The following COL27A1 variants were observed in gnomAD, a reference collection of about 807,000 sequenced individuals.
COL27A1 encodes the protein collagen type XXVII alpha 1 chain.
In COL27A1, 106 loss-of-function variants were observed where a neutral mutation model predicts 251.3. The ratio of observed to expected loss-of-function variants is 0.42; its 90% CI spans 0.36 to 0.50. COL27A1 has a LOEUF of 0.50. COL27A1 is among the 20% of genes least tolerant of loss of function. COL27A1 has a pLI of 0.00. For synonymous variants in COL27A1, 1,000 were observed against 986.3 expected, an observed-to-expected ratio of 1.01 and a Z score of -0.26; for missense variants, 2,325 against 2,522.8, an observed-to-expected ratio of 0.92 and a Z score of 1.68.
At chr9:114,274,793 C>A (rs1835381476) in intron 36 of COL27A1, among the ~76,000 whole-genome samples, 1 of 152,084 alleles carries the variant, frequency 6.6e-6, no homozygotes. Flanking sequence ...CTGGTACATA[C>A]CATCCAAACT....
intron 28 of COL27A1, among the ~76,000 whole-genome samples, chr9:114,260,700 G>T (rs1834256441): frequency 6.6e-6 from 1 of 152,080 alleles, no homozygotes; most frequent in Non-Finnish European, 1.5e-5. Context: ...TGTTCTTGGT[G>T]AGGACGCTGA....
At position 114,208,917 on chromosome 9, in the gene COL27A1, GA is replaced by G. The variant is rs147575945; in HGVS notation, c.2269-755del. On this transcript the variant is annotated intron_variant, in intron 10 of 60. Coordinates refer to ENST00000356083, the MANE Select transcript of COL27A1 (RefSeq NM_032888.4). ...TGCCTGGTGGAGGGGACAGAGTGAG[GA>G]AAGGCTGGGAGGGAGGAAATGAGAT... is the stretch of plus-strand genomic sequence containing the variant. 4.9e-4 allele frequency among the ~76,000 whole-genome samples: 75 copies of G among 152,210 alleles called. No homozygotes were observed. The East Asian group carries it at 9.1e-3, about 18-fold the overall frequency.
chr9:114,172,692 G>T (rs1849404581), intron 3 of COL27A1, among the ~76,000 whole-genome samples: 1 of 152,170 alleles, frequency 6.6e-6, no homozygotes. Flanking sequence ...TACTTGGGAG[G>T]CCGAGGTAGG....
intron 41 of COL27A1, among the ~76,000 whole-genome samples, chr9:114,285,302 A>G (rs1303586028): frequency 6.6e-6 from 1 of 151,968 alleles, no homozygotes; most frequent in Non-Finnish European, 1.5e-5. Flanking sequence ...AGAGGAGAGG[A>G]ATTGCTGGAA....
At chr9:114,267,012 G>A (rs994042775) in intron 33 of COL27A1, among the ~76,000 whole-genome samples, 8 of 152,102 alleles carry the variant, frequency 5.3e-5, no homozygotes, top group East Asian at 3.9e-4. Flanking sequence ...AAGGAGCCTC[G>A]CACACCCCTG....
chr9:114,254,485 CA>C (rs1343519883), intron 27 of COL27A1, among the ~76,000 whole-genome samples: 1 of 151,890 alleles, frequency 6.6e-6, no homozygotes, highest in African/African-American at 2.4e-5. Flanking sequence ...CAGCCAAAGC[CA>C]GGGGTCAGGG....
At chr9:114,226,695 G>C (rs1169017985) in intron 14 of COL27A1, among the ~76,000 whole-genome samples, 3 of 152,246 alleles carry the variant, frequency 2.0e-5, no homozygotes, top group Admixed American at 6.5e-5. Context: ...GGCCTTCAAA[G>C]GCAGTCCTCA....
At chr9:114,253,755 C>T (rs150455738) in intron 27 of COL27A1, among the ~76,000 whole-genome samples, 2 of 152,268 alleles carry the variant, frequency 1.3e-5, no homozygotes, top group East Asian at 1.9e-4. Context: ...TAAATGGAAG[C>T]GTGGGGCTAA....
intron 36 of COL27A1, chr9:114,271,177 C>T (rs1200247746): frequency 4.7e-6 from 1 of 210,924 alleles, no homozygotes; most frequent in Non-Finnish European, 9.3e-6. Flanking sequence ...TTATAAGCCA[C>T]AATTTAGGGA....
chr9:114,292,022 C>A, intron 48 of COL27A1, 81 bp from the exon 49 acceptor site: 1 of 1,227,956 alleles, frequency 8.1e-7, no homozygotes, highest in Non-Finnish European at 1.2e-6. Context: ...ACTGTTCTGG[C>A]TCTCCCAGGC....
In COL27A1 at chr9:114,311,616, A is replaced by T. The variant is rs1031793979; in HGVS notation, c.*921A>T. 2.0e-5 allele frequency: 3 copies of T among 151,770 alleles called. No homozygotes were observed. Among genetic ancestry groups the T allele is most frequent in the Admixed American group, 2.0e-4 (3 of 15,236 alleles). 9.4% of individuals were successfully genotyped at this position (151,770 alleles called of 1,614,324 possible). On this transcript the variant is annotated 3_prime_UTR_variant, in exon 61 of 61. Coordinates refer to ENST00000356083, the MANE Select transcript of COL27A1 (RefSeq NM_032888.4). The stretch of plus-strand genomic sequence containing the variant: ...CCTACCAGAAACCAGAAGTAGAGAG[A>T]TTTACCATATAACTTATGGACTTTG...
chr9:114,173,157 G>A (rs1446890494), intron 3 of COL27A1, among the ~76,000 whole-genome samples: 1 of 150,906 alleles, frequency 6.6e-6, no homozygotes, highest in Admixed American at 6.6e-5. Context: ...GAGTTGGGGC[G>A]GGGAGGCCGT....
At chr9:114,172,884 G>T (rs1026806098) in intron 3 of COL27A1, among the ~76,000 whole-genome samples, 2 of 152,224 alleles carry the variant, frequency 1.3e-5, no homozygotes, top group Non-Finnish European at 2.9e-5. Context: ...TCTCCCCAGG[G>T]CTCAGTCTTC....
At chr9:114,219,939 G>A (rs1187036386) in intron 13 of COL27A1, 95 bp downstream of exon 13, 5 of 929,524 alleles carry the variant, frequency 5.4e-6, no homozygotes, top group Non-Finnish European at 8.8e-6. Flanking sequence ...ACAGACCTGG[G>A]TCAAATCCCA....
intron 21 of COL27A1, 22 bp downstream of exon 21, chr9:114,240,509 C>A: frequency 6.2e-7 from 1 of 1,602,780 alleles, no homozygotes. Context: ...TGGCCCCCTC[C>A]ACTGCCCATC....
At chr9:114,157,103 CATA>C (rs1564403717) in intron 1 of COL27A1, among the ~76,000 whole-genome samples, 70 of 133,584 alleles carry the variant, frequency 5.2e-4, no homozygotes, top group African/African-American at 1.8e-3. Context: ...CACACACACA[CATA>C]CGCGCGCGCG....
At position 114,288,531 on chromosome 9, in the gene COL27A1, T is replaced by C. The variant is rs1172461196; in HGVS notation, c.4044+20T>C. The stretch of plus-strand genomic sequence containing the variant: ...GATCGGGTAAGCCCCCTCCCTCCCC[T>C]GGACCATGTGGCGTCCTAGGTGGAA... On this transcript the variant is annotated intron_variant, in intron 42 of 60. Transcript: ENST00000356083. 1.3e-6 allele frequency: 2 copies of C among 1,594,770 alleles called. No homozygotes were observed. The highest frequency in any genetic ancestry group is 2.3e-5 in the South Asian group (2 of 87,760).
intron 41 of COL27A1, among the ~76,000 whole-genome samples, chr9:114,286,430 C>A (rs1030267316): frequency 2.0e-5 from 3 of 152,064 alleles, no homozygotes; most frequent in Non-Finnish European, 4.4e-5. Context: ...CCCATCTGTC[C>A]GATGCCAGAC....
chr9:114,215,704 G>GTC (rs1830670865), intron 12 of COL27A1, among the ~76,000 whole-genome samples: 1 of 151,968 alleles, frequency 6.6e-6, no homozygotes, highest in Admixed American at 6.5e-5. Context: ...CTTGGAGAAT[G>GTC]TCCACCTGGT....
Sources: allele counts gnomAD v4.1 joint callset (sites outside exome capture counted in the v4.1 genomes callset), GRCh38; gene constraint gnomAD v4.1.1; transcripts MANE v1.5; gene names NCBI Gene and HGNC (gene_info 2026-07-23, HGNC 2026-07-21).